The following USP34 variants were observed in gnomAD, a reference collection of about 807,000 sequenced individuals.
The protein encoded by USP34 is ubiquitin specific peptidase 34.
A neutral mutation model predicts 460.3 loss-of-function variants in USP34; 70 were observed. The ratio of observed to expected loss-of-function variants is 0.15; its 90% CI spans 0.13 to 0.19. USP34 has a LOEUF of 0.19. Ranked by LOEUF, USP34 falls within the 10% of genes least tolerant of loss-of-function variation. The probability of loss-of-function intolerance (pLI) is 1.00; values close to 1 mark genes in which losing one functional copy is unlikely to be tolerated. For synonymous variants in USP34, 1,647 were observed against 1,405.3 expected (o/e 1.17, Z -3.85); for missense variants, 3,985 against 4,236.2 (o/e 0.94, Z 1.65).
intron 18 of USP34, among the ~76,000 whole-genome samples, chr2:61,335,539 G>A (rs1194296694): frequency 1.3e-5 from 2 of 152,118 alleles, no homozygotes; most frequent in Non-Finnish European, 1.5e-5. Flanking sequence ...CTGAGCCCAG[G>A]AGTTTGAGAC....
chr2:61,283,032 TG>T, intron 37 of USP34, 112 bp downstream of exon 37: 1 of 1,084,524 alleles, frequency 9.2e-7, no homozygotes, highest in Non-Finnish European at 1.3e-6. Context: ...GCAGATAATG[TG>T]ATATATTTAT....
chr2:61,197,863 G>T (rs544338668), intron 75 of USP34, among the ~76,000 whole-genome samples: 1 of 152,180 alleles, frequency 6.6e-6, no homozygotes, highest in South Asian at 2.1e-4. Context: ...AGGTTCAAAC[G>T]GTTCTCCTGC....
At chr2:61,299,039 A>C (rs1488848319) in intron 29 of USP34, among the ~76,000 whole-genome samples, 1 of 152,150 alleles carries the variant, frequency 6.6e-6, no homozygotes, top group Non-Finnish European at 1.5e-5. Context: ...GGAACAGAAC[A>C]CCAGCACTAG....
intron 27 of USP34, among the ~76,000 whole-genome samples, chr2:61,310,675 A>T (rs907374201): frequency 2.7e-5 from 4 of 149,632 alleles, no homozygotes; most frequent in African/African-American, 9.7e-5. Flanking sequence ...ATACACATAT[A>T]CATATACATA....
At chr2:61,220,039 C>T (rs1687513603) in intron 67 of USP34, among the ~76,000 whole-genome samples, 1 of 150,870 alleles carries the variant, frequency 6.6e-6, no homozygotes, top group South Asian at 2.1e-4. Context: ...GATTTTCAAA[C>T]CTTTTTATTC....
rs1015137630 is a variant in USP34, at chr2:61,326,908, C to T, written c.2931-1451G>A. Among the ~76,000 whole-genome samples, 3 of 151,522 alleles carry T rather than the reference C, an allele frequency of 2.0e-5. No homozygotes were observed. The East Asian group carries it at 5.8e-4, about 29-fold the overall frequency. ...AAGCGATTCTCCTGCCTCAGCCTCC[C>T]GAGGAGCTGGGATTACAGGTGCATG... On this transcript the variant is annotated intron_variant, in intron 20 of 79. Coordinates refer to ENST00000398571, the MANE Select transcript of USP34 (RefSeq NM_014709.4).
intron 39 of USP34, among the ~76,000 whole-genome samples, chr2:61,278,936 A>G (rs1304254728): frequency 6.6e-6 from 1 of 152,184 alleles, no homozygotes; most frequent in East Asian, 1.9e-4. Flanking sequence ...TCATTCCAAA[A>G]AAACTTTACT....
chr2:61,204,295 G>T lies in USP34; in HGVS notation c.9345C>A (p.Leu3115=), dbSNP rs760449021. The T allele has an allele frequency of 1.1e-5, 18 of 1,614,066 alleles. No individual in the cohort carries two copies. Among genetic ancestry groups the T allele is most frequent in the Non-Finnish European group, 1.5e-5 (18 of 1,180,038 alleles). ...CCATTGTGGGCAAGAGGCACATATT[G>T]AGTTCAGGGCGCGGAGGCCGAATAT... ...KSNIRPPRPE[L]NMCLLPTMVE... The change falls in exon 74 of 80, where the codon CTC becomes CTA. Residue 3115 remains leucine, a synonymous_variant. Transcript: ENST00000398571.
rs1264878933 is a variant in USP34 at position 61,198,693 on chromosome 2, A to C, written c.9508+4447T>G. ...AGACCAGCCTGCCTAATATGGTGAA[A>C]CCTCATCTCTAATAAAAATACAAAA... is the stretch of plus-strand genomic sequence containing the variant. On this transcript the variant is annotated intron_variant, in intron 75 of 79. Coordinates refer to ENST00000398571, the MANE Select transcript of USP34 (RefSeq NM_014709.4). Among the ~76,000 whole-genome samples, 3 of 151,924 alleles carry C rather than the reference A, an allele frequency of 2.0e-5. 1 individual carries two copies. The highest frequency in any genetic ancestry group is 4.8e-5 in the African/African-American group (2 of 41,346).
intron 23 of USP34, among the ~76,000 whole-genome samples, chr2:61,316,076 T>C (rs1436116070): frequency 1.3e-5 from 2 of 149,038 alleles, no homozygotes; most frequent in African/African-American, 2.5e-5. Context: ...CAGGCAGGCA[T>C]GCGCCTATAA....
intron 33 of USP34, among the ~76,000 whole-genome samples, chr2:61,292,846 G>A (rs2103618582): frequency 6.6e-6 from 1 of 151,798 alleles, no homozygotes; most frequent in Middle Eastern, 3.4e-3. Flanking sequence ...TTTTCATATA[G>A]TACTTCTTCA....
At chr2:61,298,388 A>AAAAAAAAAC (rs1289838400) in intron 29 of USP34, among the ~76,000 whole-genome samples, 1 of 145,786 alleles carries the variant, frequency 6.9e-6, no homozygotes, top group African/African-American at 2.6e-5. Flanking sequence ...AAAAAAAAAA[A>AAAAAAAAAC]CTAGCTGGGC....
At chr2:61,458,764 C>A (rs1163802605) in intron 1 of USP34, among the ~76,000 whole-genome samples, 1 of 151,958 alleles carries the variant, frequency 6.6e-6, no homozygotes, top group African/African-American at 2.4e-5. Flanking sequence ...CCACTTGAAT[C>A]TTCCATCTTC....
intron 78 of USP34, chr2:61,189,376 G>A (rs536841554): frequency 2.6e-5 from 5 of 194,666 alleles, no homozygotes; most frequent in East Asian, 1.3e-4. Flanking sequence ...GGGTTCAAGC[G>A]ATTCCCCTCC....
chr2:61,296,304 T>C (rs1387433398), intron 30 of USP34, among the ~76,000 whole-genome samples: 2 of 152,140 alleles, frequency 1.3e-5, no homozygotes, highest in African/African-American at 2.4e-5. Context: ...TCTTTAATGT[T>C]AAAGACTTTA....
At chr2:61,339,819 ATTTTG>A (rs10562156) in intron 16 of USP34, 138 bp from the exon 17 acceptor site, 147,798 of 431,214 alleles carry the variant, frequency 0.34, 26,913 homozygotes, top group African/African-American at 0.39. Context: ...TTAGCACAAT[ATTTTG>A]TTTTGTTTTG....
At chr2:61,353,191 C>T (rs889703580) in intron 10 of USP34, among the ~76,000 whole-genome samples, 2 of 152,132 alleles carry the variant, frequency 1.3e-5, no homozygotes, top group African/African-American at 2.4e-5. Flanking sequence ...TTCTCTGTTC[C>T]GACAGCTAGC....
In USP34 at chr2:61,265,680, T is replaced by C. The variant is rs6738345; in HGVS notation, c.5618-123A>G. The C allele has an allele frequency of 8.0e-3, 6,520 of 816,938 alleles. 333 individuals are homozygous for C. The African/African-American group carries it at 0.11, about 14-fold the overall frequency. The allele number at this position is 816,938 out of a possible 1,614,324, so 50.6% of individuals were successfully genotyped here. A position where few individuals can be genotyped will look rare whatever the true frequency, so the allele number is the denominator to read the frequency against. ...TCATTAATATATATAGAACATTATA[T>C]AGAATTTTTTAAATAAAAAAAAATA... On this transcript the variant is annotated intron_variant, in intron 42 of 79. Transcript: ENST00000398571.
chr2:61,190,667 G>A lies in USP34; in HGVS notation c.9589-9C>T. The A allele has an allele frequency of 6.2e-7, 1 of 1,610,810 alleles. No individual in the cohort carries two copies. Among genetic ancestry groups the A allele is most frequent in the Non-Finnish European group, 8.5e-7 (1 of 1,178,962 alleles). ...TTTTTTGACATAGCAGACTAAAGTG[G>A]GGAGAAGATGGTTGAGCACTTACGG... On this transcript the variant is annotated splice_polypyrimidine_tract_variant and intron_variant, in intron 76 of 79. Transcript: ENST00000398571.
Sources: allele counts gnomAD v4.1 joint callset (sites outside exome capture counted in the v4.1 genomes callset), GRCh38; gene constraint gnomAD v4.1.1; transcripts MANE v1.5; gene names NCBI Gene and HGNC (gene_info 2026-07-23, HGNC 2026-07-21).